The following RNF141 variants were observed in gnomAD, a reference collection of about 807,000 sequenced individuals.
The protein encoded by RNF141 is ring finger protein 141.
RNF141 carries 18 observed loss-of-function variants against 27.4 expected under a neutral mutation model. That is an observed-to-expected ratio of 0.66 (90% confidence interval 0.45 to 0.97). The LOEUF is 0.97. RNF141 is among the 50% of genes least tolerant of loss of function. RNF141 has a pLI of 0.00. For missense variants in RNF141, 230 were observed against 279.4 expected (o/e 0.82, Z 1.26); for synonymous variants, 97 against 96.6 (o/e 1.00, Z -0.02).
chr11:10,539,499 C>A (rs1301278686), intron 1 of RNF141, among the ~76,000 whole-genome samples: 2 of 151,134 alleles, frequency 1.3e-5, no homozygotes, highest in African/African-American at 4.9e-5. Context: ...GTACTACTGA[C>A]TGGGTCCCTA....
chr11:10,528,102 CA>C (rs1258961488), intron 3 of RNF141, among the ~76,000 whole-genome samples: 11 of 151,972 alleles, frequency 7.2e-5, no homozygotes. Context: ...TAATTTAGAT[CA>C]TTTTTTATAG....
chr11:10,533,909 A>C, intron 2 of RNF141, 107 bp downstream of exon 2: 1 of 1,002,546 alleles, frequency 1.0e-6, no homozygotes, highest in Non-Finnish European at 1.5e-6. Flanking sequence ...AACTGAAAAC[A>C]TTAAGTCTTA....
At chr11:10,520,439 G>A (rs1303735043) in intron 4 of RNF141, among the ~76,000 whole-genome samples, 3 of 152,238 alleles carry the variant, frequency 2.0e-5, no homozygotes, top group Non-Finnish European at 2.9e-5. Flanking sequence ...CACCATCACT[G>A]TCTTCCGCCT....
At chr11:10,539,040 A>G (rs1181263390) in intron 1 of RNF141, among the ~76,000 whole-genome samples, 2 of 152,202 alleles carry the variant, frequency 1.3e-5, no homozygotes, top group Non-Finnish European at 2.9e-5. Flanking sequence ...TATGCTTTCA[A>G]AAAGCATTTG....
chr11:10,532,534 CACA>C (rs755277333), intron 2 of RNF141, among the ~76,000 whole-genome samples: 1,505 of 106,248 alleles, frequency 0.014, 18 homozygotes, highest in African/African-American at 0.041. Context: ...CACACACACA[CACA>C]CCCCACAACT....
In RNF141 at chr11:10,514,938, G is replaced by C. The variant is rs764068847; in HGVS notation, c.671C>G (p.Ala224Gly). 3 of 1,613,090 alleles carry C rather than the reference G, an allele frequency of 1.9e-6. No homozygotes were observed. The African/African-American group carries it at 4.0e-5, about 22-fold the overall frequency. ...ANYILNMADE[A>G]GQPHRP is the part of the protein sequence containing the mutation. The stretch of plus-strand genomic sequence containing the variant: ...AGGTCATGGCCTGTGGGGCTGGCCT[G>C]CCTCATCAGCCATGTTAAGAATATA... Residue 224 changes from alanine (A) to glycine (G), a missense_variant, in exon 6 of 6, where the codon GCA becomes GGA. Physicochemically the swap from Ala to Gly is moderately conservative, Grantham distance 60. Transcript: ENST00000265981.
chr11:10,535,239 T>G (rs1443773008), intron 1 of RNF141, among the ~76,000 whole-genome samples: 1 of 151,796 alleles, frequency 6.6e-6, no homozygotes, highest in Non-Finnish European at 1.5e-5. Flanking sequence ...TATATATAAC[T>G]TTATGAAGTT....
At chr11:10,530,622 A>T (rs762666979) in intron 3 of RNF141, 21 bp downstream of exon 3, 5 of 1,383,804 alleles carry the variant, frequency 3.6e-6, no homozygotes, top group African/African-American at 1.4e-5. Context: ...GCTCAGAGGT[A>T]GAAGTCTCCA....
intron 4 of RNF141, among the ~76,000 whole-genome samples, chr11:10,520,699 T>C (rs910391195): frequency 6.6e-6 from 1 of 152,252 alleles, no homozygotes; most frequent in African/African-American, 2.4e-5. Context: ...TGCTATACTT[T>C]TATACTATGA....
intron 3 of RNF141, among the ~76,000 whole-genome samples, chr11:10,529,188 C>A (rs1849965443): frequency 6.6e-6 from 1 of 152,220 alleles, no homozygotes; most frequent in South Asian, 2.1e-4. Context: ...CTAAACCAAT[C>A]ATGCTAATCA....
At chr11:10,525,618 A>G (rs1441075145) in intron 3 of RNF141, among the ~76,000 whole-genome samples, 1 of 152,202 alleles carries the variant, frequency 6.6e-6, no homozygotes, top group Non-Finnish European at 1.5e-5. Flanking sequence ...AAGATTAATT[A>G]GGCATTATGC....
Position 10,525,445 on chromosome 11 carries a change from C to A in RNF141, c.253-72G>T, listed in dbSNP as rs977103140. 1.5e-5 allele frequency: 17 copies of A among 1,172,252 alleles called. No individual in the cohort carries two copies. The Admixed American group carries it at 2.0e-4, about 14-fold the overall frequency. 72.6% of individuals were successfully genotyped at this position (1,172,252 alleles called of 1,614,324 possible). On this transcript the variant is annotated intron_variant, in intron 3 of 5. Transcript: ENST00000265981. The stretch of plus-strand genomic sequence containing the variant: ...ACCAATTTTTCCCAAAAAGGGGGAA[C>A]AAATATTTAGTCAAACATCCTAGGA...
At position 10,515,058 on chromosome 11, in the gene RNF141, C is replaced by T. The variant is rs377165542; in HGVS notation, c.551G>A (p.Arg184Gln). 6.2e-5 allele frequency: 100 copies of T among 1,612,580 alleles called. 1 individual carries two copies. The Admixed American group carries it at 1.4e-3, about 22-fold the overall frequency. ...CQKCIDKWSD[R>Q]HRNCPICRLQ... ...GCGACAAATAGGGCAATTCCTGTGT[C>T]GATCACTCCTATTAGAGAAGTCAAA... Residue 184 changes from arginine (R) to glutamine (Q), a missense_variant, in exon 6 of 6, where the codon CGA becomes CAA. Physicochemically the swap from Arg to Gln is conservative, Grantham distance 43. Coordinates refer to ENST00000265981, the MANE Select transcript of RNF141 (RefSeq NM_016422.4).
At chr11:10,524,807 A>AT (rs1244441741) in intron 4 of RNF141, among the ~76,000 whole-genome samples, 1 of 148,498 alleles carries the variant, frequency 6.7e-6, no homozygotes, top group Non-Finnish European at 1.5e-5. Context: ...TCAATTAGAC[A>AT]TTTTTTAAAA....
rs1396250942 is a variant in RNF141, at chr11:10,513,057, C to A, written c.*1859G>T. 6.6e-6 allele frequency: 1 copy of A among 152,164 alleles called. No homozygotes were observed. The highest frequency in any genetic ancestry group is 1.5e-5 in the Non-Finnish European group (1 of 68,018). The allele number at this position is 152,164 out of a possible 1,614,324, so 9.4% of individuals were successfully genotyped here. A position where few individuals can be genotyped will look rare whatever the true frequency, so the allele number is the denominator to read the frequency against. The stretch of plus-strand genomic sequence containing the variant: ...AGTCTCAGTTTCTAAAGTAAGAACA[C>A]ATAAACAAGAGTAAGAGACTTTCTC... On this transcript the variant is annotated 3_prime_UTR_variant, in exon 6 of 6. Coordinates refer to ENST00000265981, the MANE Select transcript of RNF141 (RefSeq NM_016422.4).
chr11:10,518,216 C>A (rs1425963155), intron 5 of RNF141: 1 of 152,046 alleles, frequency 6.6e-6, no homozygotes, highest in African/African-American at 2.4e-5. Flanking sequence ...ACACACATAC[C>A]ATATGATCTA....
At chr11:10,527,755 T>C (rs547448582) in intron 3 of RNF141, among the ~76,000 whole-genome samples, 3 of 152,260 alleles carry the variant, frequency 2.0e-5, no homozygotes, top group Non-Finnish European at 2.9e-5. Context: ...GTGCTGAGAA[T>C]AGACAGAAGC....
intron 4 of RNF141, among the ~76,000 whole-genome samples, chr11:10,523,452 C>T (rs1849905708): frequency 6.6e-6 from 1 of 152,166 alleles, no homozygotes; most frequent in African/African-American, 2.4e-5. Context: ...TGAGTTTATA[C>T]ATGTACAACA....
At chr11:10,528,261 C>G (rs1470471210) in intron 3 of RNF141, among the ~76,000 whole-genome samples, 1 of 152,110 alleles carries the variant, frequency 6.6e-6, no homozygotes, top group East Asian at 1.9e-4. Flanking sequence ...ATCAGTTTTT[C>G]ATGGTGGACT....
Sources: allele counts gnomAD v4.1 joint callset (sites outside exome capture counted in the v4.1 genomes callset), GRCh38; gene constraint gnomAD v4.1.1; transcripts MANE v1.5; gene names NCBI Gene and HGNC (gene_info 2026-07-23, HGNC 2026-07-21).